The following NAPEPLD variants were observed in gnomAD, a reference collection of about 807,000 sequenced individuals.
The protein encoded by NAPEPLD is N-acyl phosphatidylethanolamine phospholipase D, also known as N-acyl-phosphatidylethanolamine-hydrolyzing phospholipase D.
In NAPEPLD, 23 loss-of-function variants were observed where a neutral mutation model predicts 38.1. That is an observed-to-expected ratio of 0.60 (90% CI 0.43 to 0.86). The LOEUF is 0.86. Ranked by LOEUF, NAPEPLD falls within the 40% of genes least tolerant of loss-of-function variation. NAPEPLD has a pLI of 0.00. For missense variants in NAPEPLD, 411 were observed against 476.8 expected (o/e 0.86, Z 1.28); for synonymous variants, 147 against 162.0 (o/e 0.91, Z 0.71).
intron 2 of NAPEPLD, among the ~76,000 whole-genome samples, chr7:103,123,208 A>G (rs1483832395): frequency 6.6e-6 from 1 of 152,150 alleles, no homozygotes. Context: ...ATATCTCCCT[A>G]TTCACACATC....
intron 2 of NAPEPLD, among the ~76,000 whole-genome samples, chr7:103,120,600 G>T (rs1281998664): frequency 6.7e-6 from 1 of 150,154 alleles, no homozygotes; most frequent in Admixed American, 6.7e-5. Context: ...GCTAAAAACT[G>T]CCTTAAAAGC....
At chr7:103,137,119 T>C (rs1810233609) in intron 1 of NAPEPLD, among the ~76,000 whole-genome samples, 1 of 152,166 alleles carries the variant, frequency 6.6e-6, no homozygotes, top group South Asian at 2.1e-4. Flanking sequence ...TTTGTATTTT[T>C]AGTAGAGACA....
chr7:103,131,858 GT>G lies in NAPEPLD; in HGVS notation c.-16-3067del, dbSNP rs1490808087. ...GGGCTGGACACAGTGGCTCATGCAT[GT>G]AATCACAGCCATTTGGGAGGCCGAG... On this transcript the variant is annotated intron_variant, in intron 1 of 4. Transcript: ENST00000465647. Among the ~76,000 whole-genome samples, 6 of 152,264 alleles carry G rather than the reference GT, an allele frequency of 3.9e-5. No individual in the cohort carries two copies. In the East Asian group the frequency reaches 7.7e-4, roughly 20 times the overall value.
At chr7:103,106,893 G>A (rs1274312149) in intron 4 of NAPEPLD, among the ~76,000 whole-genome samples, 2 of 152,186 alleles carry the variant, frequency 1.3e-5, no homozygotes, top group African/African-American at 2.4e-5. Flanking sequence ...CACAGCGTTC[G>A]AGCTCTGATA....
At chr7:103,108,134 CTTTTTTTTTTTTTTT>C in intron 4 of NAPEPLD, among the ~76,000 whole-genome samples, 1 of 117,552 alleles carries the variant, frequency 8.5e-6, no homozygotes, top group African/African-American at 3.3e-5. Flanking sequence ...ATTCAACATT[CTTTTTTTTTTTTTTT>C]TTTTTTTTTT....
chr7:103,119,588 A>T lies in NAPEPLD; in HGVS notation c.930T>A (p.Ala310=). 1 of 1,613,040 alleles carries T rather than the reference A, an allele frequency of 6.2e-7. No homozygotes were observed. ...PFDLAAIPIG[A]YEPRWFMKYQ... ...GGAAGTCTACATACCTCGGTTCATA[A>T]GCTCCGATGGGAATAGCTGCAAGGT... Residue 310 remains alanine (A), a synonymous_variant, in exon 3 of 5, where the codon GCT becomes GCA. Coordinates refer to ENST00000465647, the MANE Select transcript of NAPEPLD (RefSeq NM_001122838.3).
At chr7:103,112,457 C>T (rs1209605960) in intron 4 of NAPEPLD, among the ~76,000 whole-genome samples, 1 of 152,064 alleles carries the variant, frequency 6.6e-6, no homozygotes, top group Non-Finnish European at 1.5e-5. Context: ...TTTGCAGGGA[C>T]ATGGATGAAG....
At chr7:103,129,667 C>G (rs1808522064) in intron 1 of NAPEPLD, among the ~76,000 whole-genome samples, 1 of 152,160 alleles carries the variant, frequency 6.6e-6, no homozygotes, top group Non-Finnish European at 1.5e-5. Flanking sequence ...ATGTATTTAA[C>G]TGATCAATAA....
chr7:103,109,500 A>G (rs188313284), intron 4 of NAPEPLD, among the ~76,000 whole-genome samples: 215 of 152,306 alleles, frequency 1.4e-3, no homozygotes, highest in African/African-American at 4.8e-3. Context: ...CTGAATGACT[A>G]TGGGTAAATA....
chr7:103,105,135 G>C (rs1437401890), intron 4 of NAPEPLD, among the ~76,000 whole-genome samples: 3 of 152,172 alleles, frequency 2.0e-5, no homozygotes, highest in Non-Finnish European at 4.4e-5. Flanking sequence ...CCTGGAGGTA[G>C]GTCTGAAAGG....
At position 103,149,000 on chromosome 7, in the gene NAPEPLD, C is replaced by A; in HGVS notation, c.-206G>T. The A allele has an allele frequency of 1.0e-6, 1 of 985,402 alleles. No homozygotes were observed. The highest frequency in any genetic ancestry group is 1.2e-6 in the Non-Finnish European group (1 of 829,936). The allele number at this position is 985,402 out of a possible 1,614,324, so 61.0% of individuals were successfully genotyped here. On this transcript the variant is annotated 5_prime_UTR_variant, in exon 1 of 5. Coordinates refer to ENST00000465647, the MANE Select transcript of NAPEPLD (RefSeq NM_001122838.3). ...AATGAAGCCCTGTCGCTCACAAGTG[C>A]GGCATCTCCGAGATGAGGGAGGGCT... is the stretch of plus-strand genomic sequence containing the variant.
At chr7:103,117,727 T>C (rs1053469458) in intron 3 of NAPEPLD, among the ~76,000 whole-genome samples, 1 of 152,178 alleles carries the variant, frequency 6.6e-6, no homozygotes, top group Non-Finnish European at 1.5e-5. Context: ...TTTCCCATCT[T>C]AGTTGTTTCC....
At chr7:103,112,999 C>A (rs368184403) in intron 4 of NAPEPLD, among the ~76,000 whole-genome samples, 1 of 152,166 alleles carries the variant, frequency 6.6e-6, no homozygotes, top group Non-Finnish European at 1.5e-5. Flanking sequence ...TTTTTTAATC[C>A]TCTCTCATCT....
chr7:103,114,395 A>T (rs1045874453), intron 4 of NAPEPLD, among the ~76,000 whole-genome samples: 2 of 152,196 alleles, frequency 1.3e-5, no homozygotes, highest in Non-Finnish European at 2.9e-5. Flanking sequence ...GGCACATAGC[A>T]GACACCGAGT....
chr7:103,115,587 CTGA>C lies in NAPEPLD; in HGVS notation c.942-416_942-414del, dbSNP rs3046454. Among the ~76,000 whole-genome samples the C allele has an allele frequency of 6.2e-3, 945 of 152,306 alleles. 32 individuals are homozygous for C. Among genetic ancestry groups the C allele is most frequent in the Admixed American group, 0.058 (881 of 15,290 alleles). On this transcript the variant is annotated intron_variant, in intron 3 of 4. Coordinates refer to ENST00000465647, the MANE Select transcript of NAPEPLD (RefSeq NM_001122838.3). ...TGGATCTATCTGAAGATACAACTTA[CTGA>C]TGATGCAGGGGAGGCGAGCCCCAAA...
intron 1 of NAPEPLD, among the ~76,000 whole-genome samples, chr7:103,140,594 C>G (rs1159719862): frequency 6.6e-6 from 1 of 151,894 alleles, no homozygotes; most frequent in Non-Finnish European, 1.5e-5. Flanking sequence ...GGGGTTTCAC[C>G]ATGTTAGCCA....
At chr7:103,110,865 A>G (rs1804374556) in intron 4 of NAPEPLD, among the ~76,000 whole-genome samples, 1 of 151,628 alleles carries the variant, frequency 6.6e-6, no homozygotes, top group Non-Finnish European at 1.5e-5. Flanking sequence ...TAAGCTGATA[A>G]GCAACTTCAG....
At chr7:103,105,570 T>C (rs1803141130) in intron 4 of NAPEPLD, among the ~76,000 whole-genome samples, 1 of 152,202 alleles carries the variant, frequency 6.6e-6, no homozygotes, top group Non-Finnish European at 1.5e-5. Flanking sequence ...TATTGCCAAG[T>C]TAAGGACATC....
chr7:103,143,488 G>A (rs1321466048), intron 1 of NAPEPLD, among the ~76,000 whole-genome samples: 1 of 152,130 alleles, frequency 6.6e-6, no homozygotes, highest in Non-Finnish European at 1.5e-5. Context: ...TCTAGCTAGG[G>A]ATGGCCAGGT....
Sources: gnomAD v4.1 joint callset for allele counts (sites outside exome capture counted in the v4.1 genomes callset) on GRCh38, gnomAD v4.1.1 for gene constraint, MANE v1.5 for transcripts, NCBI Gene and HGNC (gene_info 2026-07-23, HGNC 2026-07-21) for gene names.